DISP2: variants seen among roughly 807,000 people sequenced by gnomAD.
DISP2 encodes protein dispatched homolog 2.
DISP2 carries 59 observed loss-of-function variants against 95.5 expected under a neutral mutation model. That is an observed-to-expected ratio of 0.62 (90% CI 0.50 to 0.77). The LOEUF (loss-of-function observed/expected upper bound fraction) is 0.77, where lower values mean the gene tolerates loss of function less well. Ranked by LOEUF, DISP2 falls within the 30% of genes least tolerant of loss-of-function variation. DISP2 has a pLI of 0.00. For missense variants in DISP2, 1,752 were observed against 1,854.6 expected (o/e 0.94, Z 1.02); for synonymous variants, 827 against 815.0 (o/e 1.01, Z -0.25).
At position 40,371,824 on chromosome 15, in the gene DISP2, C is replaced by T. The variant is rs1284004722; in HGVS notation, c.*1506C>T. On this transcript the variant is annotated 3_prime_UTR_variant, in exon 8 of 8. Transcript: ENST00000267889. The stretch of plus-strand genomic sequence containing the variant: ...GTGTGGAAGAAAAATTGAACACCAC[C>T]CTCAAAGAGCTCACCTTCTAGCTGG... 2.0e-5 allele frequency: 3 copies of T among 152,166 alleles called. No homozygotes were observed. Among genetic ancestry groups the T allele is most frequent in the Non-Finnish European group, 2.9e-5 (2 of 68,034 alleles). The allele number at this position is 152,166 out of a possible 1,614,324, so 9.4% of individuals were successfully genotyped here. A position where few individuals can be genotyped will look rare whatever the true frequency, so the allele number is the denominator to read the frequency against.
chr15:40,365,342 G>T (rs1053982345), intron 6 of DISP2, 68 bp downstream of exon 6: 1 of 1,575,594 alleles, frequency 6.3e-7, no homozygotes. Flanking sequence ...GGACAGGCAG[G>T]CCCAGAACAA....
In DISP2 at chr15:40,376,598, T is replaced by G. The variant is rs1410297446; in HGVS notation, c.*6280T>G. 4.6e-5 allele frequency: 7 copies of G among 151,452 alleles called. No individual in the cohort carries two copies. The highest frequency in any genetic ancestry group is 1.0e-4 in the Non-Finnish European group (7 of 67,940). 9.4% of individuals were successfully genotyped at this position (151,452 alleles called of 1,614,324 possible). On this transcript the variant is annotated 3_prime_UTR_variant, in exon 8 of 8. Coordinates refer to ENST00000267889, the MANE Select transcript of DISP2 (RefSeq NM_033510.3). ...TCATGCCATTGCACTCCAGCCTGGG[T>G]GACAGAGCGAGACTACATCTCAAAA...
chr15:40,362,181 C>T (rs915886833), intron 1 of DISP2, among the ~76,000 whole-genome samples: 2 of 152,218 alleles, frequency 1.3e-5, no homozygotes, highest in South Asian at 4.1e-4. Flanking sequence ...CAACTGTGCA[C>T]ATCCTTACAA....
chr15:40,369,242 C>T lies in DISP2; in HGVS notation c.3130C>T (p.Pro1044Ser). 6.2e-7 allele frequency: 1 copy of T among 1,613,912 alleles called. No individual in the cohort carries two copies. Among genetic ancestry groups the T allele is most frequent in the African/African-American group, 1.3e-5 (1 of 75,048 alleles). Residue 1044 changes from proline (P) to serine (S), a missense_variant, in exon 8 of 8, where the codon CCA (proline) becomes TCA (serine). Transcript: ENST00000267889. ...VNYCISYHLC[P>S]HPDRLSRVAF... ...CTACTGCATCTCCTATCACCTGTGC[C>T]CACACCCTGACCGCCTGAGCCGTGT...
Position 40,378,186 on chromosome 15 carries a change from A to G in DISP2, c.*7868A>G, listed in dbSNP as rs1474705897. On this transcript the variant is annotated 3_prime_UTR_variant, in exon 8 of 8. Transcript: ENST00000267889. Reference sequence around the variant, plus strand: ...GTTGAAACCACTACAGCTGACACCTATGTGAGAATTAGACAAGGACACTAA... The same window carrying G: ...GTTGAAACCACTACAGCTGACACCTGTGTGAGAATTAGACAAGGACACTAA... 1.3e-5 allele frequency: 2 copies of G among 152,374 alleles called. No individual in the cohort carries two copies. Among genetic ancestry groups the G allele is most frequent in the Non-Finnish European group, 2.9e-5 (2 of 68,032 alleles). 9.4% of individuals were successfully genotyped at this position (152,374 alleles called of 1,614,324 possible).
Position 40,364,433 on chromosome 15 carries a change from G to A in DISP2, c.492G>A (p.Leu164=). ...CCCTCTTTCCCAGCTATTCCCAGCT[G>A]ATTGCTGAGTGGCCAGTGGCCGTGC... ...AFQMPKSYSQ[L]IAEWPVAVLM... Residue 164 remains leucine, a synonymous_variant, in exon 4 of 8, where the codon CTG becomes CTA. Transcript: ENST00000267889. The A allele has an allele frequency of 6.2e-7, 1 of 1,613,926 alleles. No individual in the cohort carries two copies. The highest frequency in any genetic ancestry group is 8.5e-7 in the Non-Finnish European group (1 of 1,180,044).
Position 40,374,955 on chromosome 15 carries a change from A to T in DISP2, c.*4637A>T, listed in dbSNP as rs1396479840. On this transcript the variant is annotated 3_prime_UTR_variant, in exon 8 of 8. Coordinates refer to ENST00000267889, the MANE Select transcript of DISP2 (RefSeq NM_033510.3). The stretch of plus-strand genomic sequence containing the variant: ...GCAGTATCTCATTTTTTGATAATAC[A>T]CATGGGTAATGGCAAGCTCTTGGGA... 6.6e-6 allele frequency: 1 copy of T among 152,150 alleles called. No individual in the cohort carries two copies. The highest frequency in any genetic ancestry group is 1.5e-5 in the Non-Finnish European group (1 of 68,034). 9.4% of individuals were successfully genotyped at this position (152,150 alleles called of 1,614,324 possible).
At position 40,370,129 on chromosome 15, in the gene DISP2, C is replaced by T. The variant is rs148275524; in HGVS notation, c.4017C>T (p.Thr1339=). 857 of 1,607,546 alleles carry T rather than the reference C, an allele frequency of 5.3e-4. 5 individuals carry two copies. In the African/African-American group the frequency reaches 0.01, roughly 19 times the overall value. The change falls in exon 8 of 8, where the codon ACC becomes ACT. Residue 1339 remains threonine, a synonymous_variant. Transcript: ENST00000267889. ...ERGQLNGKRD[T]LWLALRETVY... is the part of the protein sequence containing the mutation. ...GCCAGCTCAATGGGAAGCGGGACAC[C>T]CTGTGGCTGGCGCTGAGGGAGACAG...
rs759557932 is a variant in DISP2 at position 40,369,927 on chromosome 15, A to C, written c.3815A>C (p.Lys1272Thr). Residue 1272 changes from lysine to threonine, a missense_variant, in exon 8 of 8, where the codon AAG (lysine) becomes ACG (threonine). This residue lies in a region of DISP2 where 347 missense variants were observed against 344.2 expected (regional missense o/e 1.01). Transcript: ENST00000267889. ...CCAGAAGCCCCAGCCCACTCTCCTA[A>C]GGCCAAGGCTGCAGATCCTCCTGAT... Reference protein sequence around the residue: ...ASPEAPAHSPKAKAADPPDGF... With the variant: ...ASPEAPAHSPTAKAADPPDGF... 1.3e-6 allele frequency: 2 copies of C among 1,594,112 alleles called. No homozygotes were observed. Among genetic ancestry groups the C allele is most frequent in the Non-Finnish European group, 1.7e-6 (2 of 1,169,434 alleles).
rs764624137 is a variant in DISP2 at position 40,364,880 on chromosome 15, G to A, written c.646G>A (p.Val216Ile). ...RDTDIGSKLVVWRALQALTGP... is the reference protein window; with the variant it reads ...RDTDIGSKLVIWRALQALTGP... ...CACAGACATTGGGAGCAAGTTAGTGGTCTGGAGAGCACTACAAGCCCTCAC... is the reference window on the plus strand; with the variant it reads ...CACAGACATTGGGAGCAAGTTAGTGATCTGGAGAGCACTACAAGCCCTCAC... Residue 216 changes from valine to isoleucine, a missense_variant, in exon 5 of 8, where the codon GTC (valine) becomes ATC (isoleucine). This residue lies in a region of DISP2 where 342 missense variants were observed against 364.3 expected (regional missense o/e 0.94). Transcript: ENST00000267889. The A allele has an allele frequency of 2.8e-5, 45 of 1,614,008 alleles. No individual in the cohort carries two copies. Among genetic ancestry groups the A allele is most frequent in the African/African-American group, 2.7e-5 (2 of 74,916 alleles).
chr15:40,368,631 C>T lies in DISP2; in HGVS notation c.2519C>T (p.Thr840Ile), dbSNP rs1889563688. Residue 840 changes from threonine to isoleucine, a missense_variant, in exon 8 of 8, where the codon ACC (threonine) becomes ATC (isoleucine). Thr to Ile is a moderately conservative substitution (Grantham distance 89). This residue lies in a region of DISP2 where 317 missense variants were observed against 394.9 expected (regional missense o/e 0.80). Coordinates refer to ENST00000267889, the MANE Select transcript of DISP2 (RefSeq NM_033510.3). ...EGWPTLCFVE[T>I]LQRWMESPSC... ...TGGCCCACGCTGTGTTTCGTGGAGACCCTCCAGCGCTGGATGGAGAGCCCC... is the reference window on the plus strand; with the variant it reads ...TGGCCCACGCTGTGTTTCGTGGAGATCCTCCAGCGCTGGATGGAGAGCCCC... 6.2e-7 allele frequency: 1 copy of T among 1,609,028 alleles called. No homozygotes were observed. Among genetic ancestry groups the T allele is most frequent in the Non-Finnish European group, 8.5e-7 (1 of 1,179,990 alleles).
At chr15:40,361,605 A>G (rs1376810140) in intron 1 of DISP2, among the ~76,000 whole-genome samples, 2 of 151,900 alleles carry the variant, frequency 1.3e-5, no homozygotes, top group Non-Finnish European at 2.9e-5. Flanking sequence ...CCCCCATTTC[A>G]CCCTCAGCAT....
rs1365905905 is a variant in DISP2, at chr15:40,368,865, A to C, written c.2753A>C (p.Asn918Thr). The C allele has an allele frequency of 1.9e-6, 3 of 1,613,776 alleles. No homozygotes were observed. The highest frequency in any genetic ancestry group is 2.5e-6 in the Non-Finnish European group (3 of 1,180,030). ...QTNFRNSPDY[N>T]QTQLFYNEVS... The stretch of plus-strand genomic sequence containing the variant: ...AACTTCCGGAACAGTCCGGACTACA[A>C]CCAGACCCAGCTCTTCTACAATGAG... Residue 918 changes from asparagine to threonine, a missense_variant, in exon 8 of 8, where the codon AAC (asparagine) becomes ACC (threonine). Physicochemically the swap from Asn to Thr is moderately conservative, Grantham distance 65. Coordinates refer to ENST00000267889, the MANE Select transcript of DISP2 (RefSeq NM_033510.3).
At position 40,372,822 on chromosome 15, in the gene DISP2, A is replaced by C. The variant is rs1889666838; in HGVS notation, c.*2504A>C. 2.0e-5 allele frequency: 3 copies of C among 152,238 alleles called. No homozygotes were observed. The highest frequency in any genetic ancestry group is 2.0e-4 in the Admixed American group (3 of 15,272). The allele number at this position is 152,238 out of a possible 1,614,324, so 9.4% of individuals were successfully genotyped here. A position where few individuals can be genotyped will look rare whatever the true frequency, so the allele number is the denominator to read the frequency against. ...CATAACCACTGAAATGTTAGAATGC[A>C]GAGGGGTGGATGGGTGGGCATGAGG... On this transcript the variant is annotated 3_prime_UTR_variant, in exon 8 of 8. Transcript: ENST00000267889.
chr15:40,363,508 A>T (rs1343340904), intron 1 of DISP2, 117 bp from the exon 2 acceptor site: 4 of 767,122 alleles, frequency 5.2e-6, no homozygotes, highest in Non-Finnish European at 8.0e-6. Flanking sequence ...CAGGACTAAT[A>T]AATCAACCCT....
rs1889694152 is a variant in DISP2 at position 40,374,141 on chromosome 15, T to TATAG, written c.*3823_*3824insATAG. 2.0e-5 allele frequency: 3 copies of TATAG among 151,056 alleles called. No individual in the cohort carries two copies. Among genetic ancestry groups the TATAG allele is most frequent in the Admixed American group, 2.0e-4 (3 of 15,172 alleles). The allele number at this position is 151,056 out of a possible 1,614,324, so 9.4% of individuals were successfully genotyped here. A position where few individuals can be genotyped will look rare whatever the true frequency, so the allele number is the denominator to read the frequency against. ...AGACAGACTGATTTTATTGGCTGAA[T>TATAG]CTTAGATTTTACTGATATATAGCAT... On this transcript the variant is annotated 3_prime_UTR_variant, in exon 8 of 8. Coordinates refer to ENST00000267889, the MANE Select transcript of DISP2 (RefSeq NM_033510.3).
chr15:40,363,421 T>C (rs998747485), intron 1 of DISP2, among the ~76,000 whole-genome samples: 5 of 152,066 alleles, frequency 3.3e-5, no homozygotes, highest in African/African-American at 1.2e-4. Context: ...AATGAGTGAA[T>C]GAGAGAATGG....
chr15:40,364,977 T>C (rs962589307), intron 5 of DISP2, 24 bp downstream of exon 5: 10 of 1,612,352 alleles, frequency 6.2e-6, no homozygotes, highest in Non-Finnish European at 7.6e-6. Flanking sequence ...ATCTTTTCAC[T>C]GTGGGTGGCA....
chr15:40,358,233 C>CTCG lies in DISP2; in HGVS notation c.-89_-88insTCG, dbSNP rs1555399497. On this transcript the variant is annotated 5_prime_UTR_variant, in exon 1 of 8. Transcript: ENST00000267889. ...AGAGCCTACGCATGCGCACGAGCACCCCGCCGCCGCTGCCGCCGCCACCGC... is the reference window on the plus strand; with the variant it reads ...AGAGCCTACGCATGCGCACGAGCACCTCGCCGCCGCCGCTGCCGCCGCCACCGC... The CTCG allele has an allele frequency of 1.9e-5, 17 of 879,668 alleles. No individual in the cohort carries two copies. Among genetic ancestry groups the CTCG allele is most frequent in the African/African-American group, 1.8e-5 (1 of 54,256 alleles). The allele number at this position is 879,668 out of a possible 1,614,324, so 54.5% of individuals were successfully genotyped here.
Sources: gnomAD v4.1 joint callset for allele counts (sites outside exome capture counted in the v4.1 genomes callset) on GRCh38, gnomAD v4.1.1 for gene constraint, gnomAD v4.1.1 regional missense constraint, MANE v1.5 for transcripts, NCBI Gene and HGNC (gene_info 2026-07-23, HGNC 2026-07-21) for gene names.